The following EMB variants were observed in gnomAD, a reference collection of about 807,000 sequenced individuals.
EMB encodes embigin.
In EMB, 31 loss-of-function variants were observed where a neutral mutation model predicts 41.4. The ratio of observed to expected loss-of-function variants is 0.75; its 90% CI spans 0.56 to 1.01. The LOEUF (loss-of-function observed/expected upper bound fraction) is 1.01. EMB is among the 50% of genes least tolerant of loss of function. EMB has a pLI of 0.00. For synonymous variants in EMB, 137 were observed against 140.4 expected (o/e 0.98, Z 0.17); for missense variants, 379 against 388.3 (o/e 0.98, Z 0.20).
intron 2 of EMB, among the ~76,000 whole-genome samples, chr5:50,417,916 T>C (rs1459592953): frequency 1.3e-5 from 2 of 152,234 alleles, no homozygotes; most frequent in African/African-American, 4.8e-5. Context: ...AGATGCTAGT[T>C]GAATTTCACT....
chr5:50,433,238 G>GT lies in EMB; in HGVS notation c.113-5012dup, dbSNP rs796409786. On this transcript the variant is annotated intron_variant, in intron 1 of 8. Transcript: ENST00000303221. ...TGGACAAGAAGCCTTTACAGACAAG[G>GT]TTTTTTTTTTAAGGCCTACTGACAA... Among the ~76,000 whole-genome samples, 1,307 of 147,866 alleles carry GT rather than the reference G, an allele frequency of 8.8e-3. 15 individuals carry two copies. Among genetic ancestry groups the GT allele is most frequent in the African/African-American group, 0.029 (1,177 of 40,438 alleles).
chr5:50,416,332 ATAG>A (rs1745431258), intron 2 of EMB, among the ~76,000 whole-genome samples: 1 of 152,194 alleles, frequency 6.6e-6, no homozygotes, highest in South Asian at 2.1e-4. Flanking sequence ...TTAAAACCAT[ATAG>A]TAATTTATAC....
At chr5:50,423,433 C>G (rs1262234430) in intron 2 of EMB, among the ~76,000 whole-genome samples, 2 of 152,156 alleles carry the variant, frequency 1.3e-5, no homozygotes, top group South Asian at 2.1e-4. Context: ...CCTGCTTTGT[C>G]TTTTTAAAAA....
At chr5:50,418,262 A>G (rs2111817171) in intron 2 of EMB, among the ~76,000 whole-genome samples, 1 of 152,360 alleles carries the variant, frequency 6.6e-6, no homozygotes, top group Admixed American at 6.5e-5. Flanking sequence ...ACTGTTTCCA[A>G]ATAATTAACA....
At position 50,399,311 on chromosome 5, in the gene EMB, T is replaced by C. The variant is rs775717194; in HGVS notation, c.967-21A>G. On this transcript the variant is annotated intron_variant, in intron 8 of 8. Coordinates refer to ENST00000303221, the MANE Select transcript of EMB (RefSeq NM_198449.3). The stretch of plus-strand genomic sequence containing the variant: ...GACTCCTGAGTTAAATAAAGCATAA[T>C]CAAATATAATTAGTATGTTCTGGTT... 2.8e-5 allele frequency: 45 copies of C among 1,605,824 alleles called. No homozygotes were observed. In the Admixed American group the frequency reaches 7.6e-4, roughly 27 times the overall value.
At chr5:50,427,982 G>A (rs567098596) in intron 2 of EMB, among the ~76,000 whole-genome samples, 162 bp downstream of exon 2, 4 of 152,222 alleles carry the variant, frequency 2.6e-5, no homozygotes, top group South Asian at 2.1e-4. Flanking sequence ...CCAGTAAAAC[G>A]TCCTCACCAC....
chr5:50,412,727 C>T (rs767711478), intron 2 of EMB, among the ~76,000 whole-genome samples: 6 of 151,894 alleles, frequency 4.0e-5, no homozygotes, highest in Middle Eastern at 3.2e-3. Context: ...CAGTTTAATT[C>T]GCGGAGCCTG....
chr5:50,420,668 G>A (rs115134683), intron 2 of EMB, among the ~76,000 whole-genome samples: 5 of 152,104 alleles, frequency 3.3e-5, no homozygotes, highest in Admixed American at 6.5e-5. Flanking sequence ...GTATGACATC[G>A]GGGGAGGAGG....
intron 5 of EMB, among the ~76,000 whole-genome samples, chr5:50,404,280 C>T (rs949292937): frequency 2.6e-5 from 4 of 151,824 alleles, no homozygotes; most frequent in African/African-American, 9.7e-5. Context: ...GTATATTATT[C>T]GTGCAAAAAA....
At chr5:50,405,646 A>G (rs2111778410) in intron 5 of EMB, 79 bp downstream of exon 5, 1 of 1,489,700 alleles carries the variant, frequency 6.7e-7, no homozygotes, top group South Asian at 1.4e-5. Flanking sequence ...AGGAATGCTG[A>G]GTCTGTTACA....
At chr5:50,404,981 T>C (rs1199575587) in intron 5 of EMB, among the ~76,000 whole-genome samples, 1 of 151,950 alleles carries the variant, frequency 6.6e-6, no homozygotes. Context: ...AATTATAGCT[T>C]GCCTTTAACG....
rs1390248978 is a variant in EMB, at chr5:50,402,319, T to C, written c.878A>G (p.Asp293Gly). The C allele has an allele frequency of 6.2e-7, 1 of 1,609,806 alleles. No individual in the cohort carries two copies. Among genetic ancestry groups the C allele is most frequent in the Non-Finnish European group, 8.5e-7 (1 of 1,177,026 alleles). ...AATCTGCTCAAATTCTTTCCCCTCATCTGTGTAACAAAAGAAGAATTTGAC... is the reference window on the plus strand; with the variant it reads ...AATCTGCTCAAATTCTTTCCCCTCACCTGTGTAACAAAAGAAGAATTTGAC... The part of the protein sequence containing the change: ...KYTQKKKKHS[D>G]EGKEFEQIEQ... Residue 293 changes from aspartate (D) to glycine (G), a missense_variant and splice_region_variant, in exon 7 of 9, where the codon GAT becomes GGT. By Grantham distance (94) the Asp-to-Gly change is moderately conservative (BLOSUM62 -1). Transcript: ENST00000303221.
chr5:50,432,333 G>A (rs1247463893), intron 1 of EMB, among the ~76,000 whole-genome samples: 1 of 151,788 alleles, frequency 6.6e-6, no homozygotes, highest in Non-Finnish European at 1.5e-5. Context: ...TCTCTATACT[G>A]ATTGCTATCA....
At chr5:50,425,935 C>T (rs549105739) in intron 2 of EMB, among the ~76,000 whole-genome samples, 19 of 152,164 alleles carry the variant, frequency 1.2e-4, no homozygotes, top group African/African-American at 4.1e-4. Flanking sequence ...CTGCCTGCCT[C>T]GGCCTCCCAA....
At chr5:50,400,583 T>A (rs561491740) in intron 7 of EMB, among the ~76,000 whole-genome samples, 15 of 151,974 alleles carry the variant, frequency 9.9e-5, no homozygotes, top group Admixed American at 3.9e-4. Context: ...TAATGGCCAC[T>A]AAGAAAACAC....
At chr5:50,439,388 GC>G (rs1426879028) in intron 1 of EMB, among the ~76,000 whole-genome samples, 2 of 151,810 alleles carry the variant, frequency 1.3e-5, no homozygotes, top group African/African-American at 4.8e-5. Flanking sequence ...CACCATCATA[GC>G]TCACTGCAGC....
chr5:50,441,388 C>T (rs1745911354), upstream of EMB: 9 of 337,708 alleles, frequency 2.7e-5, no homozygotes, highest in East Asian at 8.7e-5. Context: ...CGGCTGCTGG[C>T]GTTCCCGGAT....
rs1329785719 is a variant in EMB at position 50,403,273 on chromosome 5, A to T, written c.782T>A (p.Leu261His). 6.2e-7 allele frequency: 1 copy of T among 1,612,664 alleles called. No homozygotes were observed. Among genetic ancestry groups the T allele is most frequent in the Non-Finnish European group, 8.5e-7 (1 of 1,179,230 alleles). Residue 261 changes from leucine (L) to histidine (H), a missense_variant, in exon 6 of 9, where the codon CTC becomes CAC. Physicochemically the swap from Leu to His is moderately conservative, Grantham distance 99. Coordinates refer to ENST00000303221, the MANE Select transcript of EMB (RefSeq NM_198449.3). ...AGCCACTATTACAAGAAATGGTTTGAGGGGCACCAAATAGCTCAGCACCAC... is the reference window on the plus strand; with the variant it reads ...AGCCACTATTACAAGAAATGGTTTGTGGGGCACCAAATAGCTCAGCACCAC... ...ELVVLSYLVPLKPFLVIVAEV... is the reference protein window; with the variant it reads ...ELVVLSYLVPHKPFLVIVAEV...
chr5:50,408,462 C>T (rs1471669972), intron 4 of EMB, among the ~76,000 whole-genome samples: 2 of 151,982 alleles, frequency 1.3e-5, no homozygotes, highest in Non-Finnish European at 2.9e-5. Context: ...GGTTTTTGTG[C>T]ATTGAACTAA....
Sources: gnomAD v4.1 joint callset for allele counts (sites outside exome capture counted in the v4.1 genomes callset) on GRCh38, gnomAD v4.1.1 for gene constraint, MANE v1.5 for transcripts, NCBI Gene and HGNC (gene_info 2026-07-23, HGNC 2026-07-21) for gene names.